The following MCF2L variants were observed in gnomAD, a reference collection of about 807,000 sequenced individuals.
MCF2L encodes the protein guanine nucleotide exchange factor DBS.
A neutral mutation model predicts 153.4 loss-of-function variants in MCF2L; 97 were observed. The observed-to-expected ratio is 0.63, with a 90% CI of 0.54 to 0.75. The LOEUF (loss-of-function observed/expected upper bound fraction) is 0.75, where lower values mean the gene tolerates loss of function less well. MCF2L is among the 30% of genes least tolerant of loss of function. The pLI, the probability that MCF2L is intolerant of heterozygous loss-of-function variation, is 0.00. For synonymous variants in MCF2L, 659 were observed against 632.2 expected (o/e 1.04, Z -0.64); for missense variants, 1,347 against 1,495.2 (o/e 0.90, Z 1.64).
intron 27 of MCF2L, 70 bp downstream of exon 27, chr13:113,094,705 G>A: frequency 1.3e-6 from 2 of 1,537,840 alleles, no homozygotes; most frequent in East Asian, 4.6e-5. Context: ...GCTTCTGGCA[G>A]GTCCACCCAG....
chr13:112,980,588 A>C (rs553074955), intron 1 of MCF2L, among the ~76,000 whole-genome samples: 122 of 118,786 alleles, frequency 1.0e-3, no homozygotes, highest in African/African-American at 3.3e-3. Context: ...GAGCGGCGCC[A>C]GCCAGGAGGG....
At position 113,031,177 on chromosome 13, in the gene MCF2L, CAGACAGAGACAGAG is replaced by C. The variant is rs1566768261; in HGVS notation, c.278+6433_278+6446del. 1.0e-5 allele frequency among the ~76,000 whole-genome samples: 1 copy of C among 98,176 alleles called. No homozygotes were observed. 64.4% of individuals were successfully genotyped at this position (98,176 alleles called of 152,430 possible). ...GACAGAGAGAAGAGACAGAGAGTGACAGACAGAGACAGAGAGACAGAGACAGACAGAGACAGAGA... is the reference window on the plus strand; with the variant it reads ...GACAGAGAGAAGAGACAGAGAGTGACAGACAGAGACAGACAGAGACAGAGA... On this transcript the variant is annotated intron_variant, in intron 3 of 29. Coordinates refer to ENST00000535094, the MANE Select transcript of MCF2L (RefSeq NM_001112732.3). The surrounding 1 kb of genome is among the most constrained non-coding windows in gnomAD (Gnocchi z 5.5).
intron 1 of MCF2L, among the ~76,000 whole-genome samples, chr13:112,992,514 C>T (rs1200093995): frequency 6.6e-6 from 1 of 152,232 alleles, no homozygotes; most frequent in Non-Finnish European, 1.5e-5. Flanking sequence ...TCCCGCCGTG[C>T]GTCTGTGGTG....
intron 15 of MCF2L, among the ~76,000 whole-genome samples, chr13:113,080,514 ACCAGCCC>A (rs942510277): frequency 3.3e-5 from 5 of 152,314 alleles, no homozygotes; most frequent in African/African-American, 1.2e-4. Flanking sequence ...TCAACCCAGG[ACCAGCCC>A]CCTGGCTCCA....
At chr13:113,018,337 C>T (rs571266680) in intron 2 of MCF2L, among the ~76,000 whole-genome samples, 16 of 152,344 alleles carry the variant, frequency 1.1e-4, no homozygotes, top group Admixed American at 5.9e-4. Context: ...AAAAGCGCTT[C>T]GCTTAACCCT....
chr13:113,096,626 G>T lies in MCF2L; in HGVS notation c.3265G>T (p.Gly1089Cys). The T allele has an allele frequency of 6.3e-7, 1 of 1,593,276 alleles. No individual in the cohort carries two copies. The stretch of plus-strand genomic sequence containing the variant: ...CCTGTCCGTCCGGCTCGGCCCGTCC[G>T]GCTCGGCCCAGTGCCTGAGCAGCTC... Reference protein sequence around the residue: ...SSLSVRLGPSGSAQCLSSSES... With the variant: ...SSLSVRLGPSCSAQCLSSSES... The change falls in exon 29 of 30, where the codon GGC becomes TGC. Residue 1089 changes from glycine (G) to cysteine (C), a missense_variant. By Grantham distance (159) the Gly-to-Cys change is radical (BLOSUM62 -3). Transcript: ENST00000535094.
chr13:113,073,165 T>C (rs2033093236), intron 9 of MCF2L, among the ~76,000 whole-genome samples: 2 of 152,200 alleles, frequency 1.3e-5, no homozygotes, highest in Non-Finnish European at 2.9e-5. Flanking sequence ...GTTTGATTCA[T>C]TGTAATCAGA....
rs373733350 is a variant in MCF2L at position 113,094,555 on chromosome 13, G to A, written c.2995G>A (p.Asp999Asn). 74 of 1,612,562 alleles carry A rather than the reference G, an allele frequency of 4.6e-5. No individual in the cohort carries two copies. The African/African-American group carries it at 8.7e-4, about 19-fold the overall frequency. The change falls in exon 27 of 30, where the codon GAC (aspartate) becomes AAC (asparagine). Residue 999 changes from aspartate to asparagine, a missense_variant. Physicochemically the swap from Asp to Asn is conservative, Grantham distance 23 (BLOSUM62 1). Around this residue, in one of 3 missense-constraint regions of MCF2L, gnomAD observed 383 missense variants for 335.4 expected, o/e 1.14. Coordinates refer to ENST00000535094, the MANE Select transcript of MCF2L (RefSeq NM_001112732.3). ...CCACTCACTGGAGGCACCTGAGGAC[G>A]ACGGGGGCTGGTCAAGTGCAGAGGA... Reference protein sequence around the residue: ...TSHSLEAPEDDGGWSSAEEQI... With the variant: ...TSHSLEAPEDNGGWSSAEEQI...
At chr13:113,017,840 C>T (rs997886465) in intron 2 of MCF2L, among the ~76,000 whole-genome samples, 3 of 152,228 alleles carry the variant, frequency 2.0e-5, no homozygotes, top group Non-Finnish European at 2.9e-5. Flanking sequence ...TGCTTAATTC[C>T]CTGGTCTTTG....
intron 2 of MCF2L, among the ~76,000 whole-genome samples, chr13:112,940,571 A>G (rs2081565833): frequency 6.6e-6 from 1 of 152,258 alleles, no homozygotes; most frequent in Admixed American, 6.5e-5. Context: ...CAAAATAGAC[A>G]ACTTCCATTT....
At chr13:113,020,578 A>G (rs1381318473) in intron 2 of MCF2L, among the ~76,000 whole-genome samples, 1 of 152,244 alleles carries the variant, frequency 6.6e-6, no homozygotes, top group African/African-American at 2.4e-5. Flanking sequence ...CCTGATTTAC[A>G]GACTGCAGCC....
intron 2 of MCF2L, among the ~76,000 whole-genome samples, chr13:112,944,530 G>T (rs982504440): frequency 1.3e-5 from 2 of 150,890 alleles, no homozygotes; most frequent in African/African-American, 2.4e-5. Context: ...AGCCGCAGAA[G>T]AGCTGTCAAT....
chr13:113,078,277 C>T (rs781191373), intron 13 of MCF2L, 86 bp from the exon 14 acceptor site: 1 of 1,108,602 alleles, frequency 9.0e-7, no homozygotes. Flanking sequence ...CCTACCCTCT[C>T]CTCGGGGCCT....
chr13:113,090,642 A>C, intron 26 of MCF2L: 1 of 985,466 alleles, frequency 1.0e-6, no homozygotes, highest in Non-Finnish European at 1.2e-6. Context: ...GATGGGAAAT[A>C]CATGGCGGGG....
At position 113,061,124 on chromosome 13, in the gene MCF2L, G is replaced by A. The variant is rs2031335762; in HGVS notation, c.489+412G>A. 2.0e-5 allele frequency among the ~76,000 whole-genome samples: 3 copies of A among 152,248 alleles called. No homozygotes were observed. In the South Asian group the frequency reaches 6.2e-4, roughly 32 times the overall value. On this transcript the variant is annotated intron_variant, in intron 5 of 29. Coordinates refer to ENST00000535094, the MANE Select transcript of MCF2L (RefSeq NM_001112732.3). ...GGGATGAGAGAAGGGCTGGGGAGGG[G>A]GCTGTAAGCATCTCTGGACCTGGGA...
At chr13:113,093,424 T>C (rs1019429162) in intron 26 of MCF2L, among the ~76,000 whole-genome samples, 1 of 152,226 alleles carries the variant, frequency 6.6e-6, no homozygotes, top group African/African-American at 2.4e-5. Context: ...CAGGCCCAGC[T>C]CCCTTCTCTG....
intron 2 of MCF2L, among the ~76,000 whole-genome samples, chr13:112,937,053 TA>T (rs2081522060): frequency 6.6e-6 from 1 of 152,218 alleles, no homozygotes; most frequent in Non-Finnish European, 1.5e-5. Flanking sequence ...TTACATATTT[TA>T]TTTTTTTATT....
At chr13:112,970,667 C>T (rs2082010077) in intron 1 of MCF2L, among the ~76,000 whole-genome samples, 1 of 152,092 alleles carries the variant, frequency 6.6e-6, no homozygotes, top group Admixed American at 6.5e-5. Flanking sequence ...CTCTGCATGC[C>T]TCTGCGTGCC....
rs1275905258 is a variant in MCF2L at position 113,087,277 on chromosome 13, T to A, written c.2416T>A (p.Phe806Ile). The change falls in exon 22 of 30, where the codon TTC (phenylalanine) becomes ATC (isoleucine). Residue 806 changes from phenylalanine to isoleucine, a missense_variant. By Grantham distance (21) the Phe-to-Ile change is conservative (BLOSUM62 0). This residue lies in a region of MCF2L where 144 missense variants were observed against 238.7 expected (regional missense o/e 0.60). Transcript: ENST00000535094. ...GGGCAAGCTGCTGATGCAGGGCTCG[T>A]TCAGCGTCTGGACCGACCACAAGAG... ...DLGKLLMQGS[F>I]SVWTDHKRGH... 2 of 1,612,864 alleles carry A rather than the reference T, an allele frequency of 1.2e-6. No individual in the cohort carries two copies. The highest frequency in any genetic ancestry group is 1.7e-6 in the Non-Finnish European group (2 of 1,179,988).
Sources: gnomAD v4.1 joint callset for allele counts (sites outside exome capture counted in the v4.1 genomes callset) on GRCh38, gnomAD v4.1.1 for gene constraint, gnomAD v4.1.1 regional missense constraint, Gnocchi (gnomAD v3.1) non-coding constraint, MANE v1.5 for transcripts, NCBI Gene and HGNC (gene_info 2026-07-23, HGNC 2026-07-21) for gene names.